The following FSD1L variants were observed in gnomAD, a reference collection of about 807,000 sequenced individuals.
The protein encoded by FSD1L is fibronectin type III and SPRY domain containing 1 like, also known as FSD1-like protein.
Under a neutral mutation model 71.6 loss-of-function variants are expected in FSD1L, and 45 were observed. The observed-to-expected ratio is 0.63, with a 90% CI of 0.49 to 0.81. The LOEUF is 0.81. Ranked by LOEUF, FSD1L falls within the 30% of genes least tolerant of loss-of-function variation. The probability of loss-of-function intolerance (pLI) is 0.00; values close to 1 mark genes in which losing one functional copy is unlikely to be tolerated. For synonymous variants in FSD1L, 197 were observed against 207.2 expected (o/e 0.95, Z 0.42); for missense variants, 561 against 618.1 (o/e 0.91, Z 0.98).
At chr9:105,541,939 T>G (rs1564155183) in intron 13 of FSD1L, among the ~76,000 whole-genome samples, 3 of 152,350 alleles carry the variant, frequency 2.0e-5, no homozygotes, top group Middle Eastern at 3.4e-3. Flanking sequence ...TCCATGTTGT[T>G]GTGGTGTCAG....
In FSD1L at chr9:105,466,852, T is replaced by C. The variant is rs557337111; in HGVS notation, c.208-1341T>C. ...TTGGTATCTGGAAAGAGAGATCTTA[T>C]GTAGAGCTAGCTCAAACCATTCTTC... On this transcript the variant is annotated intron_variant, in intron 3 of 13. Coordinates refer to ENST00000481272, the MANE Select transcript of FSD1L (RefSeq NM_001145313.3). 3.3e-5 allele frequency among the ~76,000 whole-genome samples: 5 copies of C among 152,280 alleles called. No individual in the cohort carries two copies. In the South Asian group the frequency reaches 1.0e-3, roughly 32 times the overall value.
At chr9:105,486,473 A>C (rs1588985806) in intron 7 of FSD1L, among the ~76,000 whole-genome samples, 1 of 152,104 alleles carries the variant, frequency 6.6e-6, no homozygotes, top group Non-Finnish European at 1.5e-5. Flanking sequence ...TTTCATGTTC[A>C]CTCTTGGGAG....
At chr9:105,534,092 TAGTC>T (rs1422532852) in intron 10 of FSD1L, among the ~76,000 whole-genome samples, 1 of 152,198 alleles carries the variant, frequency 6.6e-6, no homozygotes, top group African/African-American at 2.4e-5. Context: ...AAGAGTTATT[TAGTC>T]AGGATTATAA....
chr9:105,504,789 G>A (rs1412139166), intron 7 of FSD1L, among the ~76,000 whole-genome samples: 1 of 152,040 alleles, frequency 6.6e-6, no homozygotes, highest in African/African-American at 2.4e-5. Flanking sequence ...CTTTTTTATT[G>A]TTGTATTGTT....
At chr9:105,526,140 T>G in intron 10 of FSD1L, 1 of 1,569,128 alleles carries the variant, frequency 6.4e-7, no homozygotes, top group Non-Finnish European at 8.8e-7. Context: ...CTATTGTGAA[T>G]GGAAAGGTTC....
chr9:105,544,921 G>C (rs1013548009), intron 13 of FSD1L, among the ~76,000 whole-genome samples: 1 of 152,022 alleles, frequency 6.6e-6, no homozygotes, highest in African/African-American at 2.4e-5. Flanking sequence ...CTCTTTTTTG[G>C]TTCCATATTA....
At chr9:105,457,651 C>T (rs1830437326) in intron 1 of FSD1L, among the ~76,000 whole-genome samples, 1 of 152,272 alleles carries the variant, frequency 6.6e-6, no homozygotes, top group Non-Finnish European at 1.5e-5. Flanking sequence ...CCTTGAGTTT[C>T]ACTCATGCCG....
intron 12 of FSD1L, among the ~76,000 whole-genome samples, chr9:105,536,415 A>G (rs533601124): frequency 7.9e-5 from 12 of 152,242 alleles, no homozygotes; most frequent in Admixed American, 7.8e-4. Flanking sequence ...GCTGTCTAGT[A>G]TGTCAGTGTT....
At chr9:105,458,148 C>A (rs1830470211) in intron 1 of FSD1L, among the ~76,000 whole-genome samples, 1 of 152,198 alleles carries the variant, frequency 6.6e-6, no homozygotes, top group South Asian at 2.1e-4. Flanking sequence ...TTGTCACTTG[C>A]TGTCATGTGG....
intron 7 of FSD1L, among the ~76,000 whole-genome samples, chr9:105,490,889 T>A (rs1459158355): frequency 7.0e-6 from 1 of 142,176 alleles, no homozygotes; most frequent in Non-Finnish European, 1.5e-5. Flanking sequence ...ACCAGTACCA[T>A]GCTGTTTTGG....
chr9:105,521,043 C>G, intron 10 of FSD1L: 1 of 1,612,768 alleles, frequency 6.2e-7, no homozygotes, highest in Non-Finnish European at 8.5e-7. Context: ...CAGTTTATAT[C>G]ATCCTATACT....
chr9:105,535,522 T>C (rs925835377), intron 12 of FSD1L, among the ~76,000 whole-genome samples: 6 of 152,156 alleles, frequency 3.9e-5, no homozygotes, highest in Admixed American at 6.5e-5. Flanking sequence ...ATAAAAGCAC[T>C]CATTTATAAT....
chr9:105,515,637 G>A (rs892074692), intron 10 of FSD1L, among the ~76,000 whole-genome samples: 1 of 152,008 alleles, frequency 6.6e-6, no homozygotes, highest in Non-Finnish European at 1.5e-5. Flanking sequence ...CCTGAGGAAC[G>A]GTGCACTCCG....
At chr9:105,522,312 T>C in intron 10 of FSD1L, 3 of 1,613,948 alleles carry the variant, frequency 1.9e-6, no homozygotes, top group Non-Finnish European at 2.5e-6. Flanking sequence ...TGATTTACCA[T>C]TGGATAAGCT....
chr9:105,448,023 T>G (rs538013000), upstream of FSD1L: 21 of 612,448 alleles, frequency 3.4e-5, no homozygotes, highest in Admixed American at 3.1e-4. Flanking sequence ...CCCTCCCTTC[T>G]GCGGGCCGCC....
chr9:105,493,373 T>G (rs1210305344), intron 7 of FSD1L, among the ~76,000 whole-genome samples: 1 of 152,148 alleles, frequency 6.6e-6, no homozygotes, highest in Non-Finnish European at 1.5e-5. Flanking sequence ...CTCCATCCTT[T>G]TATTTTGAGC....
At chr9:105,519,956 G>A (rs1835018482) in intron 10 of FSD1L, among the ~76,000 whole-genome samples, 2 of 152,234 alleles carry the variant, frequency 1.3e-5, no homozygotes, top group South Asian at 4.1e-4. Flanking sequence ...CGAGGCGGGT[G>A]GAGGTGGCGG....
intron 1 of FSD1L, among the ~76,000 whole-genome samples, chr9:105,453,044 G>GTTTTTT (rs774826229): frequency 3.6e-3 from 318 of 88,190 alleles, no homozygotes; most frequent in African/African-American, 3.9e-3. Flanking sequence ...ACCTAAAGTT[G>GTTTTTT]TTTTTTTTTT....
intron 9 of FSD1L, among the ~76,000 whole-genome samples, chr9:105,509,640 C>G (rs1241950521): frequency 6.6e-6 from 1 of 151,944 alleles, no homozygotes; most frequent in Admixed American, 6.6e-5. Context: ...CAAAAAAAAT[C>G]ATATAATAAA....
Sources: allele counts gnomAD v4.1 joint callset (sites outside exome capture counted in the v4.1 genomes callset), GRCh38; gene constraint gnomAD v4.1.1; transcripts MANE v1.5; gene names NCBI Gene and HGNC (gene_info 2026-07-23, HGNC 2026-07-21).